Variants in NRG3 observed in about 807,000 individuals in gnomAD.
NRG3 encodes the protein neuregulin 3, also known as pro-neuregulin-3, membrane-bound isoform.
A neutral mutation model predicts 66.9 loss-of-function variants in NRG3; 31 were observed. The observed-to-expected ratio is 0.46, with a 90% CI of 0.35 to 0.63. The LOEUF (loss-of-function observed/expected upper bound fraction) is 0.63. Among genes scored for constraint, NRG3 ranks in the 20% least tolerant of loss-of-function variants. NRG3 has a pLI of 0.00. For missense variants in NRG3, 910 were observed against 878.9 expected (o/e 1.04, Z -0.45); for synonymous variants, 393 against 359.4 (o/e 1.09, Z -1.06).
intron 1 of NRG3, among the ~76,000 whole-genome samples, chr10:82,345,301 C>T (rs1368227784): frequency 7.2e-6 from 1 of 139,556 alleles, no homozygotes; most frequent in Non-Finnish European, 1.5e-5. Context: ...GTTTTCCAAA[C>T]ACCATTTATT....
In NRG3 at chr10:82,738,704, T is replaced by G; in HGVS notation, c.1027+54T>G. The stretch of plus-strand genomic sequence containing the variant: ...TGCAATATATAGGCAGCGTTTATTC[T>G]GAGCAATGGTTGTTAACTCAGCTGA... On this transcript the variant is annotated intron_variant, in intron 3 of 8. Coordinates refer to ENST00000372141, the MANE Select transcript of NRG3 (RefSeq NM_001010848.4). 5 of 1,429,452 alleles carry G rather than the reference T, an allele frequency of 3.5e-6. No homozygotes were observed. The South Asian group carries it at 4.6e-5, about 13-fold the overall frequency. 88.5% of individuals were successfully genotyped at this position (1,429,452 alleles called of 1,614,324 possible). A position where few individuals can be genotyped will look rare whatever the true frequency, so the allele number is the denominator to read the frequency against.
rs374866481 is a variant in NRG3 at position 82,419,348 on chromosome 10, C to G, written c.953+60480C>G. Among the ~76,000 whole-genome samples the G allele has an allele frequency of 2.0e-5, 3 of 152,228 alleles. No individual in the cohort carries two copies. In the South Asian group the frequency reaches 6.2e-4, roughly 32 times the overall value. On this transcript the variant is annotated intron_variant, in intron 2 of 8. Transcript: ENST00000372141. ...TTCCGGAAATAACTATCTGCACTTTCAAATGCAAGGTCTTGCTTAGGTTTG... is the reference window on the plus strand; with the variant it reads ...TTCCGGAAATAACTATCTGCACTTTGAAATGCAAGGTCTTGCTTAGGTTTG...
intron 2 of NRG3, among the ~76,000 whole-genome samples, chr10:82,610,273 T>C (rs1337027108): frequency 7.5e-6 from 1 of 133,212 alleles, no homozygotes; most frequent in Non-Finnish European, 1.6e-5. Flanking sequence ...CTCTCTACTT[T>C]AGGATCAATT....
At chr10:82,537,411 C>T (rs1410713900) in intron 2 of NRG3, among the ~76,000 whole-genome samples, 7 of 152,012 alleles carry the variant, frequency 4.6e-5, no homozygotes, top group South Asian at 2.1e-4. Flanking sequence ...TGGTGACTTT[C>T]GCACCTTTGT....
At chr10:82,226,069 C>A (rs1256793886) in intron 1 of NRG3, among the ~76,000 whole-genome samples, 1 of 151,976 alleles carries the variant, frequency 6.6e-6, no homozygotes, top group African/African-American at 2.4e-5. Context: ...TTACATTTTA[C>A]CCCAAGAATC....
chr10:82,052,504 C>T (rs1440321400), intron 1 of NRG3, among the ~76,000 whole-genome samples: 2 of 152,180 alleles, frequency 1.3e-5, no homozygotes, highest in East Asian at 1.9e-4. Context: ...CTCTGGGAAT[C>T]TCAAAGACCA....
intron 1 of NRG3, among the ~76,000 whole-genome samples, chr10:82,235,698 A>G (rs978182347): frequency 4.6e-5 from 7 of 152,126 alleles, no homozygotes; most frequent in Non-Finnish European, 7.4e-5. Context: ...GTGCATGGCT[A>G]ATCTAGCCTA....
At chr10:82,775,983 A>T (rs926901030) in intron 3 of NRG3, among the ~76,000 whole-genome samples, 1 of 152,184 alleles carries the variant, frequency 6.6e-6, no homozygotes, top group East Asian at 1.9e-4. Context: ...TCATTGCAGT[A>T]ATGGAATATT....
intron 1 of NRG3, among the ~76,000 whole-genome samples, chr10:82,203,579 A>C (rs770852004): frequency 6.6e-6 from 1 of 152,192 alleles, no homozygotes; most frequent in Non-Finnish European, 1.5e-5. Flanking sequence ...AATTAAAGGC[A>C]TATCATTTTT....
At chr10:82,714,803 G>A (rs79856310) in intron 2 of NRG3, among the ~76,000 whole-genome samples, 1,905 of 151,816 alleles carry the variant, frequency 0.013, 29 homozygotes, top group Non-Finnish European at 0.02. Context: ...ATTTTTCCTT[G>A]CCCACCTCAT....
intron 2 of NRG3, among the ~76,000 whole-genome samples, chr10:82,546,465 C>T (rs1590610110): frequency 6.6e-6 from 1 of 152,026 alleles, no homozygotes. Flanking sequence ...TGTTACTTTA[C>T]TTCTCCAACC....
In NRG3 at chr10:82,666,649, C is replaced by T. The variant is rs193290458; in HGVS notation, c.954-71928C>T. ...TGAATAATTTCCATTTTGACATTGC[C>T]GTATGGTTAATCCCTTGAATCCTCT... On this transcript the variant is annotated intron_variant, in intron 2 of 8. Transcript: ENST00000372141. Among the ~76,000 whole-genome samples the T allele has an allele frequency of 3.9e-5, 6 of 152,220 alleles. No individual in the cohort carries two copies. In the East Asian group the frequency reaches 5.8e-4, roughly 15 times the overall value.
intron 2 of NRG3, among the ~76,000 whole-genome samples, chr10:82,514,253 G>C (rs187602099): frequency 6.6e-6 from 1 of 152,102 alleles, no homozygotes; most frequent in Non-Finnish European, 1.5e-5. Context: ...CTGTCATGAA[G>C]TCTTTGCCCA....
At chr10:82,097,531 TA>T (rs1236131410) in intron 1 of NRG3, among the ~76,000 whole-genome samples, 3 of 149,790 alleles carry the variant, frequency 2.0e-5, no homozygotes, top group Non-Finnish European at 4.4e-5. Flanking sequence ...ATATCTGTGA[TA>T]TATATATATA....
intron 1 of NRG3, among the ~76,000 whole-genome samples, chr10:81,927,489 C>A (rs1229694245): frequency 1.3e-5 from 2 of 151,990 alleles, no homozygotes; most frequent in African/African-American, 2.4e-5. Context: ...ATTTGGGTTG[C>A]TATTAATTAA....
intron 2 of NRG3, among the ~76,000 whole-genome samples, chr10:82,676,450 A>G (rs770662875): frequency 6.6e-5 from 10 of 151,984 alleles, no homozygotes; most frequent in Non-Finnish European, 1.2e-4. Context: ...AAAAAGGTGA[A>G]CATATTTTGG....
rs534375958 is a variant in NRG3 at position 81,881,925 on chromosome 10, A to G, written c.823+5762A>G. Among the ~76,000 whole-genome samples the G allele has an allele frequency of 6.6e-5, 10 of 152,204 alleles. No homozygotes were observed. The East Asian group carries it at 1.9e-3, about 29-fold the overall frequency. Reference sequence around the variant, plus strand: ...ACAATAATAAACCCTTGCCCTGGGAATCTCTTGCAGTTTTCTTGTCTATAT... The same window carrying G: ...ACAATAATAAACCCTTGCCCTGGGAGTCTCTTGCAGTTTTCTTGTCTATAT... On this transcript the variant is annotated intron_variant, in intron 1 of 8. Coordinates refer to ENST00000372141, the MANE Select transcript of NRG3 (RefSeq NM_001010848.4).
chr10:82,162,896 G>T (rs1266155385), intron 1 of NRG3, among the ~76,000 whole-genome samples: 1 of 152,134 alleles, frequency 6.6e-6, no homozygotes, highest in African/African-American at 2.4e-5. Context: ...ACTAAACCAT[G>T]TGAATCTCCT....
chr10:82,109,595 A>G (rs910843875), intron 1 of NRG3, among the ~76,000 whole-genome samples: 2 of 150,100 alleles, frequency 1.3e-5, no homozygotes, highest in Non-Finnish European at 3.0e-5. Flanking sequence ...ATATTTTCAG[A>G]TCAAATTGAT....
Sources: gnomAD v4.1 joint callset for allele counts (sites outside exome capture counted in the v4.1 genomes callset) on GRCh38, gnomAD v4.1.1 for gene constraint, MANE v1.5 for transcripts, NCBI Gene and HGNC (gene_info 2026-07-23, HGNC 2026-07-21) for gene names.